Variants in CFDP1 observed in about 807,000 individuals in gnomAD.
CFDP1 encodes the protein heterochromatin-stabilizing protein CFDP1.
A neutral mutation model predicts 40.1 loss-of-function variants in CFDP1; 31 were observed. The ratio of observed to expected loss-of-function variants is 0.77; its 90% confidence interval spans 0.58 to 1.04. The LOEUF (loss-of-function observed/expected upper bound fraction) is 1.04. Ranked by LOEUF, CFDP1 falls within the 50% of genes least tolerant of loss-of-function variation. The probability of loss-of-function intolerance (pLI) is 0.00; values close to 1 mark genes in which losing one functional copy is unlikely to be tolerated. For missense variants in CFDP1, 423 were observed against 343.4 expected, an observed-to-expected ratio of 1.23 and a Z score of -1.83; for synonymous variants, 167 against 120.0, an observed-to-expected ratio of 1.39 and a Z score of -2.56.
At chr16:75,304,453 T>A (rs531640950) in intron 6 of CFDP1, among the ~76,000 whole-genome samples, 1 of 152,246 alleles carries the variant, frequency 6.6e-6, no homozygotes, top group African/African-American at 2.4e-5. Flanking sequence ...AATACGTAGG[T>A]TATGAACATT....
At chr16:75,349,674 A>T (rs1567653455) in intron 5 of CFDP1, among the ~76,000 whole-genome samples, 855 of 5,848 alleles carry the variant, frequency 0.15, 44 homozygotes, top group Non-Finnish European at 0.19. Flanking sequence ...AAAAAAAAAA[A>T]AAAAAAAAAA....
intron 1 of CFDP1, among the ~76,000 whole-genome samples, chr16:75,425,809 G>A (rs532084279): frequency 1.3e-3 from 193 of 152,000 alleles, no homozygotes; most frequent in African/African-American, 4.5e-3. Context: ...CGGGGTGGGC[G>A]GATTACCTGA....
intron 5 of CFDP1, chr16:75,363,068 G>T (rs2078690570): frequency 6.6e-6 from 1 of 152,142 alleles, no homozygotes; most frequent in Non-Finnish European, 1.5e-5. Flanking sequence ...ACATATGTAA[G>T]CATTTGGCCA....
intron 6 of CFDP1, chr16:75,301,943 G>C (rs537227924): frequency 6.6e-6 from 1 of 152,530 alleles, no homozygotes; most frequent in Non-Finnish European, 1.5e-5. Flanking sequence ...TGGAGATGTG[G>C]GGCTGGGCAC....
intron 5 of CFDP1, among the ~76,000 whole-genome samples, chr16:75,310,078 T>C (rs1310144122): frequency 6.6e-6 from 1 of 152,200 alleles, no homozygotes; most frequent in Non-Finnish European, 1.5e-5. Context: ...TTCTGGAATG[T>C]TATTACCAAG....
chr16:75,395,210 C>T lies in CFDP1; in HGVS notation c.531-1G>A. On this transcript the variant is annotated splice_acceptor_variant, in intron 4 of 6. Transcript: ENST00000283882. LOFTEE classifies it high-confidence loss of function. ...TGTAGCATCCACTTCCTTAGTTACC[C>T]TGTGCCAAGGAAAAAGACATCAAGC... is the stretch of plus-strand genomic sequence containing the variant. 1.9e-6 allele frequency: 3 copies of T among 1,612,864 alleles called. No homozygotes were observed. Among genetic ancestry groups the T allele is most frequent in the Non-Finnish European group, 1.7e-6 (2 of 1,179,324 alleles).
intron 5 of CFDP1, among the ~76,000 whole-genome samples, chr16:75,369,544 A>C (rs1396486718): frequency 2.0e-5 from 3 of 152,204 alleles, no homozygotes; most frequent in African/African-American, 2.4e-5. Context: ...CCAATAATCT[A>C]AACAGTGTAT....
chr16:75,316,821 T>C (rs1451414376), intron 5 of CFDP1, among the ~76,000 whole-genome samples: 2 of 151,578 alleles, frequency 1.3e-5, no homozygotes, highest in African/African-American at 4.8e-5. Context: ...AATATAAAAT[T>C]AGCCGGGCGT....
intron 1 of CFDP1, among the ~76,000 whole-genome samples, chr16:75,421,250 C>CT (rs1013946230): frequency 6.6e-6 from 1 of 152,016 alleles, no homozygotes; most frequent in Non-Finnish European, 1.5e-5. Flanking sequence ...CCTGTTCCCC[C>CT]TTTTTTCCCT....
At chr16:75,353,436 G>A (rs1274213280) in intron 5 of CFDP1, among the ~76,000 whole-genome samples, 1 of 152,046 alleles carries the variant, frequency 6.6e-6, no homozygotes, top group East Asian at 1.9e-4. Context: ...ATCATATGTG[G>A]GAGTTAGGTA....
intron 4 of CFDP1, among the ~76,000 whole-genome samples, chr16:75,408,501 C>T (rs911770349): frequency 6.6e-6 from 1 of 151,822 alleles, no homozygotes; most frequent in Non-Finnish European, 1.5e-5. Context: ...AACAGTGGGC[C>T]AGGTGCAGTG....
chr16:75,407,403 G>A (rs1320404645), intron 4 of CFDP1, among the ~76,000 whole-genome samples: 3 of 152,020 alleles, frequency 2.0e-5, no homozygotes, highest in Admixed American at 6.5e-5. Context: ...ATGGCTGGGT[G>A]TGGTGGCTCA....
chr16:75,425,481 T>G lies in CFDP1; in HGVS notation c.64+7808A>C, dbSNP rs538530296. ...GAAAAAGAATAAAGTTGGAGTACTC[T>G]CTCTACCTGATTTCAACACTTAAAT... On this transcript the variant is annotated intron_variant, in intron 1 of 6. Coordinates refer to ENST00000283882, the MANE Select transcript of CFDP1 (RefSeq NM_006324.3). Among the ~76,000 whole-genome samples the G allele has an allele frequency of 2.0e-5, 3 of 151,122 alleles. No individual in the cohort carries two copies. The East Asian group carries it at 5.8e-4, about 29-fold the overall frequency.
chr16:75,354,544 C>T (rs2078634396), intron 5 of CFDP1, among the ~76,000 whole-genome samples: 1 of 152,118 alleles, frequency 6.6e-6, no homozygotes. Flanking sequence ...TGCATAAAAA[C>T]ATGATGGCAC....
At chr16:75,422,715 G>C (rs1350505771) in intron 1 of CFDP1, among the ~76,000 whole-genome samples, 1 of 146,058 alleles carries the variant, frequency 6.8e-6, no homozygotes, top group African/African-American at 2.6e-5. Flanking sequence ...TCTTAAAACT[G>C]TGATCAAAAA....
intron 5 of CFDP1, among the ~76,000 whole-genome samples, chr16:75,359,474 G>C (rs1314430156): frequency 6.6e-6 from 1 of 152,290 alleles, no homozygotes; most frequent in Non-Finnish European, 1.5e-5. Flanking sequence ...TGAATTTTTA[G>C]CTAGTCTATT....
intron 5 of CFDP1, among the ~76,000 whole-genome samples, chr16:75,355,728 T>G (rs2078640646): frequency 6.6e-6 from 1 of 152,186 alleles, no homozygotes; most frequent in Non-Finnish European, 1.5e-5. Flanking sequence ...TCCTGAGATC[T>G]GATGGTTTTA....
At chr16:75,394,990 C>G in intron 5 of CFDP1, 100 bp downstream of exon 5, 2 of 1,395,062 alleles carry the variant, frequency 1.4e-6, no homozygotes, top group Admixed American at 2.0e-5. Flanking sequence ...ATAATTCTCT[C>G]TCTCAGGCAA....
At chr16:75,362,331 A>C (rs879619543) in intron 5 of CFDP1, among the ~76,000 whole-genome samples, 27 of 152,336 alleles carry the variant, frequency 1.8e-4, no homozygotes, top group Non-Finnish European at 3.4e-4. Context: ...GGCTGATATC[A>C]ACACTGTGCT....
Sources: gnomAD v4.1 joint callset for allele counts (sites outside exome capture counted in the v4.1 genomes callset) on GRCh38, gnomAD v4.1.1 for gene constraint, MANE v1.5 for transcripts, NCBI Gene and HGNC (gene_info 2026-07-23, HGNC 2026-07-21) for gene names.